SAMD13: variants seen among roughly 807,000 people sequenced by gnomAD.
The protein encoded by SAMD13 is sterile alpha motif domain-containing protein 13.
Under a neutral mutation model 12.4 loss-of-function variants are expected in SAMD13, and 9 were observed. The ratio of observed to expected loss-of-function variants is 0.72; its 90% CI spans 0.44 to 1.26. SAMD13 has a LOEUF of 1.26. Ranked by LOEUF, SAMD13 falls within the 50% of genes most tolerant of loss-of-function variation. The pLI is 0.00. For synonymous variants in SAMD13, 46 were observed against 45.4 expected (o/e 1.01, Z -0.05); for missense variants, 84 against 119.6 (o/e 0.70, Z 1.39).
chr1:84,343,071 G>T (rs988115962), intron 3 of SAMD13, among the ~76,000 whole-genome samples: 1 of 152,140 alleles, frequency 6.6e-6, no homozygotes, highest in Non-Finnish European at 1.5e-5. Flanking sequence ...CTTCTCAGAA[G>T]AAGACATTAG....
intron 2 of SAMD13, among the ~76,000 whole-genome samples, chr1:84,320,746 A>G (rs1266948731): frequency 6.6e-6 from 1 of 152,248 alleles, no homozygotes; most frequent in Non-Finnish European, 1.5e-5. Context: ...AAAATAAGTA[A>G]CAGAATTAGC....
chr1:84,326,441 G>A (rs1679061481), intron 3 of SAMD13, among the ~76,000 whole-genome samples: 1 of 152,248 alleles, frequency 6.6e-6, no homozygotes, highest in African/African-American at 2.4e-5. Context: ...CAGGTCCAGG[G>A]ATGGTATTAG....
intron 3 of SAMD13, among the ~76,000 whole-genome samples, chr1:84,347,331 T>C (rs1679554300): frequency 6.6e-6 from 1 of 152,214 alleles, no homozygotes. Flanking sequence ...CCAACCCTGG[T>C]CTGAGGTGAA....
chr1:84,348,286 C>T, intron 3 of SAMD13, among the ~76,000 whole-genome samples: 1 of 152,186 alleles, frequency 6.6e-6, no homozygotes. Flanking sequence ...GCTGCTAATT[C>T]TCCCACACTC....
At chr1:84,298,541 A>C, upstream of SAMD13, 3 of 1,263,574 alleles carry the variant, frequency 2.4e-6, no homozygotes, top group Non-Finnish European at 3.0e-6. Flanking sequence ...GCGCGGGGCA[A>C]ACCTCCCGGC....
At chr1:84,299,602 A>G (rs1338098236), upstream of SAMD13, 1 of 1,516,780 alleles carries the variant, frequency 6.6e-7, no homozygotes, top group Non-Finnish European at 8.9e-7. Context: ...ACAACTTTTT[A>G]TCAGCAGAGG....
intron 3 of SAMD13, among the ~76,000 whole-genome samples, chr1:84,333,095 A>G (rs1029330986): frequency 9.2e-5 from 14 of 151,522 alleles, no homozygotes; most frequent in Admixed American, 4.6e-4. Context: ...TATGTGTACC[A>G]TGCTATTTTG....
chr1:84,315,332 T>C (rs1678809758), intron 2 of SAMD13, among the ~76,000 whole-genome samples: 1 of 152,332 alleles, frequency 6.6e-6, no homozygotes, highest in East Asian at 1.9e-4. Flanking sequence ...AGTGGAATCA[T>C]GCAATATTTG....
intron 2 of SAMD13, 30 bp from the exon 3 acceptor site, chr1:84,325,607 A>G (rs1357425986): frequency 2.2e-6 from 3 of 1,380,690 alleles, no homozygotes; most frequent in African/African-American, 2.8e-5. Flanking sequence ...AGGCACTGCC[A>G]TGACAACTGT....
chr1:84,332,382 C>A (rs1172131419), intron 3 of SAMD13, among the ~76,000 whole-genome samples: 1 of 152,196 alleles, frequency 6.6e-6, no homozygotes, highest in East Asian at 1.9e-4. Flanking sequence ...CTTTTCTAAG[C>A]AACCTCACCA....
At chr1:84,314,904 G>C (rs1678795829) in intron 2 of SAMD13, among the ~76,000 whole-genome samples, 1 of 152,060 alleles carries the variant, frequency 6.6e-6, no homozygotes, top group Admixed American at 6.6e-5. Flanking sequence ...AGATACGTAT[G>C]ATAAGTTAGA....
chr1:84,328,741 A>G (rs1679112172), intron 3 of SAMD13, among the ~76,000 whole-genome samples: 2 of 152,190 alleles, frequency 1.3e-5, no homozygotes, highest in South Asian at 4.1e-4. Flanking sequence ...CATCCTGATT[A>G]GAAAATGCAG....
At chr1:84,319,438 A>G (rs941003188) in intron 2 of SAMD13, among the ~76,000 whole-genome samples, 5 of 152,032 alleles carry the variant, frequency 3.3e-5, no homozygotes, top group African/African-American at 1.2e-4. Flanking sequence ...CCTGGCCAAC[A>G]TGGCGAAACC....
At chr1:84,346,671 C>T (rs934828065) in intron 3 of SAMD13, among the ~76,000 whole-genome samples, 5 of 152,190 alleles carry the variant, frequency 3.3e-5, no homozygotes, top group African/African-American at 1.2e-4. Flanking sequence ...AGTTTCCAGT[C>T]CCAAGCTCAT....
intron 2 of SAMD13, among the ~76,000 whole-genome samples, chr1:84,313,615 C>G (rs1254551139): frequency 2.0e-5 from 3 of 152,068 alleles, no homozygotes; most frequent in African/African-American, 7.2e-5. Flanking sequence ...TCCTTTTCAA[C>G]AGGAAGCAGT....
upstream of SAMD13, among the ~76,000 whole-genome samples, chr1:84,300,119 T>C (rs1020393745): frequency 1.1e-4 from 17 of 152,164 alleles, no homozygotes; most frequent in Non-Finnish European, 2.4e-4. Flanking sequence ...GGGAGAATAG[T>C]TCAGGAATTT....
intron 2 of SAMD13, among the ~76,000 whole-genome samples, chr1:84,310,141 A>G (rs2101791575): frequency 6.6e-6 from 1 of 152,264 alleles, no homozygotes; most frequent in Admixed American, 6.5e-5. Context: ...AATAAATTTT[A>G]ATAATATATT....
chr1:84,307,619 G>T (rs1212250164), intron 2 of SAMD13, among the ~76,000 whole-genome samples: 1 of 152,104 alleles, frequency 6.6e-6, no homozygotes, highest in South Asian at 2.1e-4. Flanking sequence ...ATTTTACCTT[G>T]TTGGGTGCTG....
chr1:84,340,124 C>T (rs910572894), intron 3 of SAMD13, among the ~76,000 whole-genome samples: 1 of 152,196 alleles, frequency 6.6e-6, no homozygotes, highest in Non-Finnish European at 1.5e-5. Context: ...GATACTTGTA[C>T]TTGTGCTGTG....
Sources: gnomAD v4.1 joint callset for allele counts (sites outside exome capture counted in the v4.1 genomes callset) on GRCh38, gnomAD v4.1.1 for gene constraint, MANE v1.5 for transcripts, NCBI Gene and HGNC (gene_info 2026-07-23, HGNC 2026-07-21) for gene names.